Variants in PAFAH1B2 observed in about 807,000 individuals in gnomAD.
PAFAH1B2 encodes the protein platelet activating factor acetylhydrolase 1b catalytic subunit 2.
PAFAH1B2 carries 8 observed loss-of-function variants against 28.0 expected under a neutral mutation model. The ratio of observed to expected loss-of-function variants is 0.29; its 90% CI spans 0.17 to 0.52. The LOEUF is 0.52. PAFAH1B2 is among the 20% of genes least tolerant of loss of function. The pLI is 0.97. For missense variants in PAFAH1B2, 190 were observed against 282.6 expected (o/e 0.67, Z 2.35); for synonymous variants, 104 against 103.2 (o/e 1.01, Z -0.05).
chr11:117,145,473 A>G (rs540680680), intron 1 of PAFAH1B2, among the ~76,000 whole-genome samples: 1 of 152,198 alleles, frequency 6.6e-6, no homozygotes, highest in South Asian at 2.1e-4. Flanking sequence ...GAGAAAGTGG[A>G]AGGAGAAAGT....
intron 2 of PAFAH1B2, among the ~76,000 whole-genome samples, chr11:117,157,544 A>G (rs1356490407): frequency 1.3e-5 from 2 of 152,226 alleles, no homozygotes; most frequent in African/African-American, 4.8e-5. Flanking sequence ...CCTCATCTGC[A>G]TTGGTATTGT....
At chr11:117,150,736 GAA>G in intron 1 of PAFAH1B2, among the ~76,000 whole-genome samples, 1 of 152,186 alleles carries the variant, frequency 6.6e-6, no homozygotes, top group South Asian at 2.1e-4. Flanking sequence ...GCAAGGGAAA[GAA>G]AAAGATTGCT....
chr11:117,168,611 CTG>C lies in PAFAH1B2; in HGVS notation c.*916_*917del, dbSNP rs1956575857. ...TGTGTGGTGTTCTGTGCTATAGATT[CTG>C]TGTATTGCTGTTCATATTCGGAGTT... On this transcript the variant is annotated 3_prime_UTR_variant, in exon 6 of 6. Transcript: ENST00000527958. 9.4e-7 allele frequency: 1 copy of C among 1,063,110 alleles called. No individual in the cohort carries two copies. The highest frequency in any genetic ancestry group is 1.1e-6 in the Non-Finnish European group (1 of 878,228). The allele number at this position is 1,063,110 out of a possible 1,614,324, so 65.9% of individuals were successfully genotyped here.
chr11:117,164,504 T>C (rs994861053), intron 5 of PAFAH1B2, among the ~76,000 whole-genome samples: 2 of 152,232 alleles, frequency 1.3e-5, no homozygotes, highest in Non-Finnish European at 2.9e-5. Context: ...GTCTGAATCC[T>C]GAGTCTTTTT....
In PAFAH1B2 at chr11:117,148,045, CT is replaced by C. The variant is rs1046335152; in HGVS notation, c.-8+3637del. Among the ~76,000 whole-genome samples, 192 of 136,852 alleles carry C rather than the reference CT, an allele frequency of 1.4e-3. 2 individuals are homozygous for C. Among genetic ancestry groups the C allele is most frequent in the Middle Eastern group, 3.8e-3 (1 of 262 alleles). The allele number at this position is 136,852 out of a possible 152,430, so 89.8% of individuals were successfully genotyped here. A position where few individuals can be genotyped will look rare whatever the true frequency, so the allele number is the denominator to read the frequency against. On this transcript the variant is annotated intron_variant, in intron 1 of 5. Coordinates refer to ENST00000527958, the MANE Select transcript of PAFAH1B2 (RefSeq NM_002572.4). ...ATTAGAATTAGAATTTATCTTTTTT[CT>C]TTTTTTTTTCTTTTTTTTTTTTTTA...
intron 5 of PAFAH1B2, among the ~76,000 whole-genome samples, chr11:117,164,607 CAT>C (rs1215566560): frequency 1.3e-5 from 2 of 152,140 alleles, no homozygotes; most frequent in African/African-American, 4.8e-5. Context: ...TTCTCTAAAA[CAT>C]AAAAAATTTC....
intron 5 of PAFAH1B2, 52 bp from the exon 6 acceptor site, chr11:117,167,366 TAAG>T: frequency 6.8e-7 from 1 of 1,475,666 alleles, no homozygotes; most frequent in Non-Finnish European, 9.1e-7. Flanking sequence ...TTATAAATAA[TAAG>T]TAGAGAAAAA....
Position 117,168,349 on chromosome 11 carries a change from C to A in PAFAH1B2, c.*650C>A. On this transcript the variant is annotated 3_prime_UTR_variant, in exon 6 of 6. Transcript: ENST00000527958. ...TCTTTGGAGGGTATTATTTTTTATG[C>A]TGCTGAATATCATGTCTATAATAGA... 9.4e-7 allele frequency: 1 copy of A among 1,058,538 alleles called. No homozygotes were observed. 65.6% of individuals were successfully genotyped at this position (1,058,538 alleles called of 1,614,324 possible). A position where few individuals can be genotyped will look rare whatever the true frequency, so the allele number is the denominator to read the frequency against.
At chr11:117,156,168 C>T (rs1033389320) in intron 2 of PAFAH1B2, among the ~76,000 whole-genome samples, 6 of 152,220 alleles carry the variant, frequency 3.9e-5, no homozygotes, top group African/African-American at 1.4e-4. Flanking sequence ...CCCTCGGTGA[C>T]GGAGCAAGAC....
chr11:117,166,205 C>G (rs1014627384), intron 5 of PAFAH1B2, among the ~76,000 whole-genome samples: 5 of 152,084 alleles, frequency 3.3e-5, no homozygotes, highest in African/African-American at 9.7e-5. Flanking sequence ...TGCTGGGGGG[C>G]CAGATCTTTT....
intron 1 of PAFAH1B2, among the ~76,000 whole-genome samples, chr11:117,149,850 A>G (rs1240980462): frequency 6.6e-6 from 1 of 152,066 alleles, no homozygotes; most frequent in Admixed American, 6.6e-5. Context: ...TTTCAAAAAT[A>G]CCCTAGGCTG....
chr11:117,159,908 A>G, intron 2 of PAFAH1B2, 26 bp from the exon 3 acceptor site: 1 of 1,424,632 alleles, frequency 7.0e-7, no homozygotes, highest in East Asian at 2.4e-5. Context: ...CCAGTTAATA[A>G]TTTTTTTTTT....
Position 117,170,113 on chromosome 11 carries a change from C to T in PAFAH1B2, c.*2414C>T, listed in dbSNP as rs1341616947. On this transcript the variant is annotated 3_prime_UTR_variant, in exon 6 of 6. Coordinates refer to ENST00000527958, the MANE Select transcript of PAFAH1B2 (RefSeq NM_002572.4). ...TTTCATTTTTTGCCAGATTTCTTTG[C>T]ACTACTTTAGGTAAAAATAGTTAAT... 1 of 1,054,906 alleles carries T rather than the reference C, an allele frequency of 9.5e-7. No individual in the cohort carries two copies. The highest frequency in any genetic ancestry group is 1.7e-5 in the African/African-American group (1 of 60,480). 65.3% of individuals were successfully genotyped at this position (1,054,906 alleles called of 1,614,324 possible). A position where few individuals can be genotyped will look rare whatever the true frequency, so the allele number is the denominator to read the frequency against.
Position 117,167,409 on chromosome 11 carries a change from A to G in PAFAH1B2, c.412-12A>G, listed in dbSNP as rs1351272454. ...TGAATCTTCTAATTTAATGTTTTCC[A>G]CTGTGCCCCAGGGTTTGTTACCTCG... On this transcript the variant is annotated splice_polypyrimidine_tract_variant and intron_variant, in intron 5 of 5. Coordinates refer to ENST00000527958, the MANE Select transcript of PAFAH1B2 (RefSeq NM_002572.4). 11 of 1,551,696 alleles carry G rather than the reference A, an allele frequency of 7.1e-6. No individual in the cohort carries two copies. The highest frequency in any genetic ancestry group is 9.6e-6 in the Non-Finnish European group (11 of 1,143,210).
In PAFAH1B2 at chr11:117,170,565, C is replaced by T; in HGVS notation, c.*2866C>T. ...TAAACCAGAATCTTTTGTCAGAAAC[C>T]TTAACCCAACAAAACAAATCTTGAG... is the stretch of plus-strand genomic sequence containing the variant. On this transcript the variant is annotated 3_prime_UTR_variant, in exon 6 of 6. Coordinates refer to ENST00000527958, the MANE Select transcript of PAFAH1B2 (RefSeq NM_002572.4). The T allele has an allele frequency of 1.9e-6, 2 of 1,053,270 alleles. No homozygotes were observed. Among genetic ancestry groups the T allele is most frequent in the Non-Finnish European group, 2.3e-6 (2 of 873,442 alleles). The allele number at this position is 1,053,270 out of a possible 1,614,324, so 65.2% of individuals were successfully genotyped here.
downstream of PAFAH1B2, chr11:117,175,873 G>T (rs764593390): frequency 9.8e-6 from 15 of 1,532,814 alleles, no homozygotes; most frequent in Non-Finnish European, 1.3e-5. Context: ...ACCAGCCTGG[G>T]CAATGTATCA....
At chr11:117,176,484 A>G (rs1250836445) in exon 6 of PAFAH1B2, 2 of 199,846 alleles carry the variant, frequency 1.0e-5, no homozygotes, top group Non-Finnish European at 2.1e-5. Context: ...GACTGCTGCA[A>G]TCCTGCCAGC....
At chr11:117,175,771 A>G, downstream of PAFAH1B2, 1 of 1,100,006 alleles carries the variant, frequency 9.1e-7, no homozygotes, top group Non-Finnish European at 1.3e-6. Flanking sequence ...ATCTTGCCCC[A>G]AAGTTATGAG....
chr11:117,161,019 T>A (rs749846300), intron 3 of PAFAH1B2, 126 bp from the exon 4 acceptor site: 17 of 669,900 alleles, frequency 2.5e-5, no homozygotes, highest in Middle Eastern at 4.0e-4. Flanking sequence ...TTAAACAGTG[T>A]CACACCATTA....
Sources: gnomAD v4.1 joint callset for allele counts (sites outside exome capture counted in the v4.1 genomes callset) on GRCh38, gnomAD v4.1.1 for gene constraint, MANE v1.5 for transcripts, NCBI Gene and HGNC (gene_info 2026-07-23, HGNC 2026-07-21) for gene names.